ZBTB10: variants seen among roughly 807,000 people sequenced by gnomAD.
ZBTB10 encodes the protein zinc finger and BTB domain containing 10.
A neutral mutation model predicts 76.4 loss-of-function variants in ZBTB10; 32 were observed. That is an observed-to-expected ratio of 0.42 (90% CI 0.32 to 0.56). ZBTB10 has a LOEUF of 0.56. Among genes scored for constraint, ZBTB10 ranks in the 20% least tolerant of loss-of-function variants. ZBTB10 has a pLI of 0.14. For missense variants in ZBTB10, 1,057 were observed against 1,098.5 expected (o/e 0.96, Z 0.53); for synonymous variants, 523 against 432.9 (o/e 1.21, Z -2.58).
In ZBTB10 at chr8:80,519,314, G is replaced by A. The variant is rs1163526449; in HGVS notation, c.2402G>A (p.Arg801His). Residue 801 changes from arginine to histidine, a missense_variant, in exon 6 of 6, where the codon CGT becomes CAT. By Grantham distance (29) the Arg-to-His change is conservative (BLOSUM62 0). Coordinates refer to ENST00000455036, the MANE Select transcript of ZBTB10 (RefSeq NM_001105539.3). ...GTTGGAATAAGACATGGATCTCGAC[G>A]TTATGGTGTTTGTGTAGACTGTGCA... ...ASVGIRHGSR[R>H]YGVCVDCADK... The A allele has an allele frequency of 2.5e-6, 4 of 1,613,676 alleles. No individual in the cohort carries two copies. The highest frequency in any genetic ancestry group is 1.3e-5 in the African/African-American group (1 of 74,914).
In ZBTB10 at chr8:80,487,146, C is replaced by G. The variant is rs1318259855; in HGVS notation, c.336C>G (p.Gly112=). 3.3e-6 allele frequency: 5 copies of G among 1,511,462 alleles called. No homozygotes were observed. The highest frequency in any genetic ancestry group is 2.6e-5 in the East Asian group (1 of 38,830). The allele number at this position is 1,511,462 out of a possible 1,614,324, so 93.6% of individuals were successfully genotyped here. A position where few individuals can be genotyped will look rare whatever the true frequency, so the allele number is the denominator to read the frequency against. ...CCTCGCTTGGCGGTGGCGCGGGGGG[C>G]CCCCTGCTAGCGGAAAGGAACCGTC... ...GPTSLGGGAG[G]PLLAERNRRT... is the part of the protein sequence containing the mutation. The change falls in exon 1 of 6, where the codon GGC becomes GGG. Residue 112 remains glycine (G), a synonymous_variant. Transcript: ENST00000455036.
chr8:80,489,966 A>G (rs368976151), intron 1 of ZBTB10, among the ~76,000 whole-genome samples: 14 of 152,312 alleles, frequency 9.2e-5, no homozygotes, highest in African/African-American at 3.4e-4. Context: ...TACCACCTAT[A>G]TAAATACCTG....
rs1313466791 is a variant in ZBTB10, at chr8:80,526,241, C to T, written c.*6713C>T. 1.3e-5 allele frequency: 2 copies of T among 152,090 alleles called. No homozygotes were observed. The highest frequency in any genetic ancestry group is 4.8e-5 in the African/African-American group (2 of 41,422). The allele number at this position is 152,090 out of a possible 1,614,324, so 9.4% of individuals were successfully genotyped here. A position where few individuals can be genotyped will look rare whatever the true frequency, so the allele number is the denominator to read the frequency against. On this transcript the variant is annotated 3_prime_UTR_variant, in exon 6 of 6. Coordinates refer to ENST00000455036, the MANE Select transcript of ZBTB10 (RefSeq NM_001105539.3). ...AGTTTTGATGTAGAGTGCAATAATA[C>T]ATCAATAAAGGTATTTTAAAATGAC...
At position 80,486,241 on chromosome 8, in the gene ZBTB10, T is replaced by A. The variant is rs952421177; in HGVS notation, c.-570T>A. On this transcript the variant is annotated 5_prime_UTR_variant, in exon 1 of 6. Transcript: ENST00000455036. ...TCCGTTGTTCATTTGCCATTCGACC[T>A]CCGCCAGGGCCTGGTCGGACGGAAA... 1.8e-5 allele frequency: 19 copies of A among 1,028,042 alleles called. No homozygotes were observed. The African/African-American group carries it at 3.1e-4, about 17-fold the overall frequency. The allele number at this position is 1,028,042 out of a possible 1,614,324, so 63.7% of individuals were successfully genotyped here. A position where few individuals can be genotyped will look rare whatever the true frequency, so the allele number is the denominator to read the frequency against.
intron 1 of ZBTB10, among the ~76,000 whole-genome samples, chr8:80,492,476 A>G (rs1296293363): frequency 6.6e-6 from 1 of 152,024 alleles, no homozygotes; most frequent in African/African-American, 2.4e-5. Context: ...ATCAGGGTAC[A>G]TTGAAGAATT....
chr8:80,523,669 C>T lies in ZBTB10; in HGVS notation c.*4141C>T, dbSNP rs1318847290. Reference sequence around the variant, plus strand: ...TGCTTTCAACTGAAGTTAAAGAATTCTAGATAGTTTAAAATGTGTTAGGGA... The same window carrying T: ...TGCTTTCAACTGAAGTTAAAGAATTTTAGATAGTTTAAAATGTGTTAGGGA... On this transcript the variant is annotated 3_prime_UTR_variant, in exon 6 of 6. Coordinates refer to ENST00000455036, the MANE Select transcript of ZBTB10 (RefSeq NM_001105539.3). 3 of 150,138 alleles carry T rather than the reference C, an allele frequency of 2.0e-5. No individual in the cohort carries two copies. The highest frequency in any genetic ancestry group is 4.4e-5 in the Non-Finnish European group (3 of 67,532). The allele number at this position is 150,138 out of a possible 1,614,324, so 9.3% of individuals were successfully genotyped here.
rs377354511 is a variant in ZBTB10, at chr8:80,499,753, T to C, written c.1232T>C (p.Ile411Thr). 4 of 1,613,988 alleles carry C rather than the reference T, an allele frequency of 2.5e-6. No individual in the cohort carries two copies. The highest frequency in any genetic ancestry group is 2.5e-6 in the Non-Finnish European group (3 of 1,179,866). ...CAAAACAATACTACCCACTTAGATA[T>C]TGCTGCAGTTCAAGGTTTTTCAGTC... ...PNQNNTTHLD[I>T]AAVQGFSVIL... is the part of the protein sequence containing the mutation. Residue 411 changes from isoleucine to threonine, a missense_variant, in exon 2 of 6, where the codon ATT becomes ACT. By Grantham distance (89) the Ile-to-Thr change is moderately conservative. Transcript: ENST00000455036.
chr8:80,492,653 A>G (rs1334713092), intron 1 of ZBTB10, among the ~76,000 whole-genome samples: 2 of 151,700 alleles, frequency 1.3e-5, no homozygotes, highest in African/African-American at 2.4e-5. Flanking sequence ...TAATTTTTGT[A>G]TTTCTAGTAG....
At chr8:80,496,414 C>T (rs1372627018) in intron 1 of ZBTB10, among the ~76,000 whole-genome samples, 1 of 144,198 alleles carries the variant, frequency 6.9e-6, no homozygotes, top group African/African-American at 2.6e-5. Flanking sequence ...CTGCTGCAAA[C>T]ATATGGAATA....
At position 80,499,578 on chromosome 8, in the gene ZBTB10, C is replaced by T; in HGVS notation, c.1057C>T (p.Gln353Ter). 1 of 1,613,886 alleles carries T rather than the reference C, an allele frequency of 6.2e-7. No individual in the cohort carries two copies. Among genetic ancestry groups the T allele is most frequent in the Admixed American group, 1.7e-5 (1 of 60,004 alleles). ...ENSYCYQLLR[Q>*]LNEQRKKGIL... ...CTCTTATTGCTATCAACTTCTGCGA[C>T]AACTAAATGAACAGAGAAAGAAAGG... Residue 353 changes from glutamine to a stop codon, truncating the protein, a stop_gained, in exon 2 of 6, where the codon CAA becomes TAA. Coordinates refer to ENST00000455036, the MANE Select transcript of ZBTB10 (RefSeq NM_001105539.3). LOFTEE classifies it high-confidence loss of function.
intron 3 of ZBTB10, 141 bp downstream of exon 3, chr8:80,514,149 A>G (rs1816269290): frequency 1.4e-6 from 1 of 701,070 alleles, no homozygotes; most frequent in Non-Finnish European, 2.3e-6. Context: ...TATGTTTATG[A>G]TGACTGGAAA....
intron 3 of ZBTB10, among the ~76,000 whole-genome samples, chr8:80,517,002 T>G (rs867240825): frequency 6.6e-6 from 1 of 152,232 alleles, no homozygotes; most frequent in African/African-American, 2.4e-5. Context: ...GGAGCATGCT[T>G]ATTATGGACG....
Position 80,513,897 on chromosome 8 carries a change from G to A in ZBTB10, c.1862-13G>A. On this transcript the variant is annotated splice_polypyrimidine_tract_variant and intron_variant, in intron 2 of 5. Transcript: ENST00000455036. Reference sequence around the variant, plus strand: ...GTGGTTTGTAGATAAATTTTTCTATGTTTCCTTTTCAGATTTAGATGGTGC... The same window carrying A: ...GTGGTTTGTAGATAAATTTTTCTATATTTCCTTTTCAGATTTAGATGGTGC... 1 of 1,611,196 alleles carries A rather than the reference G, an allele frequency of 6.2e-7. No individual in the cohort carries two copies. Among genetic ancestry groups the A allele is most frequent in the Non-Finnish European group, 8.5e-7 (1 of 1,178,186 alleles).
At chr8:80,498,629 T>C (rs73257159) in intron 1 of ZBTB10, among the ~76,000 whole-genome samples, 3,347 of 152,310 alleles carry the variant, frequency 0.022, 124 homozygotes, top group African/African-American at 0.076. Flanking sequence ...ACTTATCGTT[T>C]AAGGAAAAGG....
At chr8:80,487,854 ACCCACCCCCG>A in intron 1 of ZBTB10, 72 bp downstream of exon 1, 1 of 1,450,808 alleles carries the variant, frequency 6.9e-7, no homozygotes, top group Non-Finnish European at 9.1e-7. Flanking sequence ...CTTCACCCCC[ACCCACCCCCG>A]AAAAAAAACC....
chr8:80,493,204 C>CGCGCGCGT lies in ZBTB10; in HGVS notation c.972+5426_972+5427insGCGTGCGC, dbSNP rs1403932764. Among the ~76,000 whole-genome samples the CGCGCGCGT allele has an allele frequency of 8.0e-3, 923 of 115,828 alleles. 12 individuals carry two copies. Among genetic ancestry groups the CGCGCGCGT allele is most frequent in the African/African-American group, 0.03 (869 of 29,302 alleles). 76.0% of individuals were successfully genotyped at this position (115,828 alleles called of 152,430 possible). ...GACTGTGCCTCAAAACGCGCGCGCG[C>CGCGCGCGT]GCGCACACACACACACACACACACA... On this transcript the variant is annotated intron_variant, in intron 1 of 5. Coordinates refer to ENST00000455036, the MANE Select transcript of ZBTB10 (RefSeq NM_001105539.3).
rs774915323 is a variant in ZBTB10, at chr8:80,487,051, G to A, written c.241G>A (p.Ala81Thr). The part of the protein sequence containing the change: ...GLEPQDLEAS[A>T]GPAAGAAEEA... The stretch of plus-strand genomic sequence containing the variant: ...GGAGCCCCAAGACCTGGAGGCCTCC[G>A]CCGGGCCGGCCGCCGGCGCCGCCGA... The change falls in exon 1 of 6, where the codon GCC becomes ACC. Residue 81 changes from alanine (A) to threonine (T), a missense_variant. Ala to Thr is a moderately conservative substitution (Grantham distance 58, BLOSUM62 0). Transcript: ENST00000455036. The A allele has an allele frequency of 6.3e-5, 95 of 1,516,544 alleles. No homozygotes were observed. The highest frequency in any genetic ancestry group is 8.1e-5 in the Non-Finnish European group (92 of 1,139,354). 93.9% of individuals were successfully genotyped at this position (1,516,544 alleles called of 1,614,324 possible).
chr8:80,492,641 G>A (rs1815660544), intron 1 of ZBTB10, among the ~76,000 whole-genome samples: 1 of 151,934 alleles, frequency 6.6e-6, no homozygotes, highest in Non-Finnish European at 1.5e-5. Flanking sequence ...ACCATGCTAG[G>A]CTAATTTTTG....
rs1412462953 is a variant in ZBTB10, at chr8:80,486,287, C to T, written c.-524C>T. The T allele has an allele frequency of 9.9e-7, 1 of 1,012,824 alleles. No homozygotes were observed. The highest frequency in any genetic ancestry group is 1.2e-6 in the Non-Finnish European group (1 of 849,016). 62.7% of individuals were successfully genotyped at this position (1,012,824 alleles called of 1,614,324 possible). ...GGAAACGCTCCGCCGGCTTTATTGTCGCTTCGTTATGTGGCGGAGCCGAGC... is the reference window on the plus strand; with the variant it reads ...GGAAACGCTCCGCCGGCTTTATTGTTGCTTCGTTATGTGGCGGAGCCGAGC... On this transcript the variant is annotated 5_prime_UTR_variant, in exon 1 of 6. Transcript: ENST00000455036.
Sources: allele counts gnomAD v4.1 joint callset (sites outside exome capture counted in the v4.1 genomes callset), GRCh38; gene constraint gnomAD v4.1.1; transcripts MANE v1.5; gene names NCBI Gene and HGNC (gene_info 2026-07-23, HGNC 2026-07-21).